Variants in ARSJ observed in about 807,000 individuals in gnomAD.
The protein encoded by ARSJ is arylsulfatase J.
ARSJ carries 26 observed loss-of-function variants against 35.9 expected under a neutral mutation model. The observed-to-expected ratio is 0.72, with a 90% confidence interval of 0.53 to 1.00. ARSJ has a LOEUF of 1.00. Ranked by LOEUF, ARSJ falls within the 50% of genes least tolerant of loss-of-function variation. The probability of loss-of-function intolerance (pLI) is 0.00; values close to 1 mark genes in which losing one functional copy is unlikely to be tolerated. For missense variants in ARSJ, 667 were observed against 723.6 expected (o/e 0.92, Z 0.90); for synonymous variants, 294 against 267.6 (o/e 1.10, Z -0.96).
chr4:113,912,699 A>C (rs1271606752), intron 1 of ARSJ, among the ~76,000 whole-genome samples: 2 of 151,866 alleles, frequency 1.3e-5, no homozygotes, highest in Non-Finnish European at 2.9e-5. Flanking sequence ...TACGTGGCTC[A>C]TAACAGCACA....
chr4:113,971,053 T>C (rs1727214900), intron 1 of ARSJ: 1 of 134,250 alleles, frequency 7.4e-6, no homozygotes, highest in African/African-American at 2.7e-5. Flanking sequence ...TTTTTTACAA[T>C]AGGGCATGGA....
At chr4:113,931,195 A>G (rs1452142814) in intron 1 of ARSJ, among the ~76,000 whole-genome samples, 1 of 152,130 alleles carries the variant, frequency 6.6e-6, no homozygotes, top group African/African-American at 2.4e-5. Flanking sequence ...AATAGAAAAA[A>G]AAAAGTATAA....
chr4:113,971,958 C>T (rs1411255972), intron 1 of ARSJ, among the ~76,000 whole-genome samples: 1 of 152,206 alleles, frequency 6.6e-6, no homozygotes, highest in Non-Finnish European at 1.5e-5. Context: ...CCTAAGCTTA[C>T]TTGACTCCTT....
Position 113,902,644 on chromosome 4 carries a change from G to C in ARSJ, c.1430C>G (p.Pro477Arg). ...VPPQSFSNLG[P>R]NRWHNERITL... ...GATCCGTTCATTGTGCCACCGGTTC[G>C]GTCCCAGGTTGCTGAAAGACTGAGG... The change falls in exon 2 of 2, where the codon CCG becomes CGG. Residue 477 changes from proline (P) to arginine (R), a missense_variant. Transcript: ENST00000315366. The C allele has an allele frequency of 6.2e-7, 1 of 1,614,114 alleles. No homozygotes were observed. Among genetic ancestry groups the C allele is most frequent in the African/African-American group, 1.3e-5 (1 of 75,002 alleles).
intron 1 of ARSJ, among the ~76,000 whole-genome samples, chr4:113,943,016 TC>T (rs1725252674): frequency 6.6e-6 from 1 of 151,990 alleles, no homozygotes; most frequent in Admixed American, 6.6e-5. Flanking sequence ...CTTTGGTGGA[TC>T]CCAATACATC....
At chr4:113,967,694 T>C (rs1594512497) in intron 1 of ARSJ, among the ~76,000 whole-genome samples, 1 of 152,276 alleles carries the variant, frequency 6.6e-6, no homozygotes, top group South Asian at 2.1e-4. Context: ...TACTAAAGGT[T>C]GCTACCAATC....
chr4:113,961,033 T>C (rs1726509805), intron 1 of ARSJ, among the ~76,000 whole-genome samples: 2 of 152,106 alleles, frequency 1.3e-5, no homozygotes, highest in South Asian at 2.1e-4. Flanking sequence ...AATTTACCTT[T>C]GGCAAACATA....
intron 1 of ARSJ, among the ~76,000 whole-genome samples, chr4:113,915,902 A>G (rs1257459452): frequency 6.6e-6 from 1 of 152,216 alleles, no homozygotes; most frequent in African/African-American, 2.4e-5. Context: ...GTGAAAAGTG[A>G]TCACTGCCTA....
At chr4:113,926,136 C>G (rs754338964) in intron 1 of ARSJ, among the ~76,000 whole-genome samples, 9 of 152,144 alleles carry the variant, frequency 5.9e-5, no homozygotes, top group Non-Finnish European at 1.3e-4. Flanking sequence ...GGTGAGCACT[C>G]ACATGGGATA....
chr4:113,915,537 A>G (rs955922465), intron 1 of ARSJ, among the ~76,000 whole-genome samples: 54 of 152,292 alleles, frequency 3.5e-4, no homozygotes, highest in Non-Finnish European at 6.3e-4. Flanking sequence ...ATTTTATATA[A>G]TTATTTTCAT....
At chr4:113,953,314 C>T (rs556234336) in intron 1 of ARSJ, among the ~76,000 whole-genome samples, 17 of 152,194 alleles carry the variant, frequency 1.1e-4, no homozygotes, top group South Asian at 4.1e-4. Flanking sequence ...CACATCTTCT[C>T]ACTTATCATA....
chr4:113,954,730 G>A lies in ARSJ; in HGVS notation c.398+23707C>T, dbSNP rs559450777. On this transcript the variant is annotated intron_variant, in intron 1 of 1. Coordinates refer to ENST00000315366, the MANE Select transcript of ARSJ (RefSeq NM_024590.4). ...GCCCAGCTCACACTGGGCACTTACT[G>A]AGCAATGTCCTACTTGCTGAAAATG... Among the ~76,000 whole-genome samples the A allele has an allele frequency of 1.9e-3, 296 of 152,182 alleles. 1 individual carries two copies. Among genetic ancestry groups the A allele is most frequent in the African/African-American group, 6.7e-3 (277 of 41,554 alleles).
chr4:113,915,018 T>A (rs7688886), intron 1 of ARSJ, among the ~76,000 whole-genome samples: 1,702 of 152,318 alleles, frequency 0.011, 46 homozygotes, highest in African/African-American at 0.038. Flanking sequence ...ACTGCATTAA[T>A]TTGGTATGAC....
rs868374741 is a variant in ARSJ at position 113,902,863 on chromosome 4, C to A, written c.1211G>T (p.Trp404Leu). 1 of 1,614,184 alleles carries A rather than the reference C, an allele frequency of 6.2e-7. No homozygotes were observed. Among genetic ancestry groups the A allele is most frequent in the South Asian group, 1.1e-5 (1 of 91,080 alleles). ...EDIQLDGYDI[W>L]ETISEGLRSP... is the part of the protein sequence containing the mutation. ...GCGAAGACCCTCACTTATGGTCTCC[C>A]AGATATCATAGCCATCTAGTTGAAT... Residue 404 changes from tryptophan to leucine, a missense_variant, in exon 2 of 2, where the codon TGG becomes TTG. Coordinates refer to ENST00000315366, the MANE Select transcript of ARSJ (RefSeq NM_024590.4).
intron 1 of ARSJ, among the ~76,000 whole-genome samples, chr4:113,938,418 C>A (rs554919759): frequency 6.6e-6 from 1 of 152,180 alleles, no homozygotes; most frequent in East Asian, 1.9e-4. Context: ...AAGTGTAAAA[C>A]CCCAAACCAT....
intron 1 of ARSJ, among the ~76,000 whole-genome samples, chr4:113,923,409 A>G (rs1358332482): frequency 1.3e-5 from 2 of 152,280 alleles, no homozygotes; most frequent in African/African-American, 4.8e-5. Context: ...TATGTAGATC[A>G]GAGTAAACTG....
At chr4:113,939,940 T>C (rs1393478217) in intron 1 of ARSJ, among the ~76,000 whole-genome samples, 1 of 151,958 alleles carries the variant, frequency 6.6e-6, no homozygotes, top group African/African-American at 2.4e-5. Flanking sequence ...ATCCCATTTG[T>C]CAATTTTGGC....
chr4:113,906,141 G>T (rs1257723251), intron 1 of ARSJ, among the ~76,000 whole-genome samples: 2 of 152,148 alleles, frequency 1.3e-5, no homozygotes, highest in African/African-American at 4.8e-5. Flanking sequence ...AAATTAAAAA[G>T]GGAAACATCT....
intron 1 of ARSJ, among the ~76,000 whole-genome samples, chr4:113,965,286 T>C (rs1726821220): frequency 6.6e-6 from 1 of 152,160 alleles, no homozygotes; most frequent in Non-Finnish European, 1.5e-5. Flanking sequence ...GTAGAATAAC[T>C]ATGTCTACTT....
Sources: gnomAD v4.1 joint callset for allele counts (sites outside exome capture counted in the v4.1 genomes callset) on GRCh38, gnomAD v4.1.1 for gene constraint, MANE v1.5 for transcripts, NCBI Gene and HGNC (gene_info 2026-07-23, HGNC 2026-07-21) for gene names.